Variants in CLTA observed in about 807,000 individuals in gnomAD.
CLTA encodes the protein clathrin, light polypeptide (Lca).
A neutral mutation model predicts 26.9 loss-of-function variants in CLTA; 9 were observed. The observed-to-expected ratio is 0.33, with a 90% CI of 0.20 to 0.58. The LOEUF (loss-of-function observed/expected upper bound fraction) is 0.58, where lower values mean the gene tolerates loss of function less well. Among genes scored for constraint, CLTA ranks in the 20% least tolerant of loss-of-function variants. CLTA has a pLI of 0.85. For missense variants in CLTA, 278 were observed against 294.2 expected, an observed-to-expected ratio of 0.94 and a Z score of 0.40; for synonymous variants, 120 against 115.5, an observed-to-expected ratio of 1.04 and a Z score of -0.25.
intron 3 of CLTA, among the ~76,000 whole-genome samples, chr9:36,200,678 C>A (rs1252591912): frequency 6.6e-6 from 1 of 152,136 alleles, no homozygotes; most frequent in African/African-American, 2.4e-5. Context: ...TTAGTGATTT[C>A]TTTGGTGGAA....
At chr9:36,194,213 G>C (rs570472300) in intron 1 of CLTA, among the ~76,000 whole-genome samples, 34 of 152,294 alleles carry the variant, frequency 2.2e-4, no homozygotes, top group Non-Finnish European at 4.7e-4. Context: ...TTTTAGTAGA[G>C]ACGGGGTTTC....
intron 4 of CLTA, among the ~76,000 whole-genome samples, chr9:36,210,042 C>G (rs138004259): frequency 1.7e-3 from 254 of 152,282 alleles, no homozygotes; most frequent in African/African-American, 5.8e-3. Flanking sequence ...CCTGACCCCC[C>G]CAAAAGAAAC....
intron 1 of CLTA, among the ~76,000 whole-genome samples, chr9:36,191,703 T>C (rs189290770): frequency 1.7e-4 from 26 of 152,272 alleles, no homozygotes; most frequent in African/African-American, 6.0e-4. Context: ...AATGGAAATA[T>C]CGTTTTTGAG....
At chr9:36,196,124 A>G (rs1029358847) in intron 1 of CLTA, among the ~76,000 whole-genome samples, 5 of 151,598 alleles carry the variant, frequency 3.3e-5, no homozygotes, top group African/African-American at 1.2e-4. Flanking sequence ...TAAAACTACA[A>G]AAAAAATTAG....
intron 3 of CLTA, among the ~76,000 whole-genome samples, chr9:36,202,600 C>T (rs1366875042): frequency 6.6e-6 from 1 of 152,210 alleles, no homozygotes; most frequent in African/African-American, 2.4e-5. Context: ...TGAATCTTGG[C>T]TCTGTCACTT....
chr9:36,210,002 G>A lies in CLTA; in HGVS notation c.486-1601G>A, dbSNP rs79211288. 3.9e-5 allele frequency among the ~76,000 whole-genome samples: 6 copies of A among 152,326 alleles called. No individual in the cohort carries two copies. In the East Asian group the frequency reaches 1.2e-3, roughly 29 times the overall value. On this transcript the variant is annotated intron_variant, in intron 4 of 4. Coordinates refer to ENST00000345519, the MANE Select transcript of CLTA (RefSeq NM_001833.4). ...GCTTTGAGATCAGGATAGTCAAAGT[G>A]TCTTGATACGGGCCACTTGGGCTTC...
At chr9:36,209,356 ATTCT>A (rs1389725365) in intron 4 of CLTA, 23 of 1,465,528 alleles carry the variant, frequency 1.6e-5, no homozygotes, top group East Asian at 4.5e-5. Context: ...TCTACATCTG[ATTCT>A]TTCTACTTTT....
At chr9:36,202,925 G>A (rs1402039411) in intron 3 of CLTA, among the ~76,000 whole-genome samples, 1 of 151,556 alleles carries the variant, frequency 6.6e-6, no homozygotes, top group Non-Finnish European at 1.5e-5. Context: ...AGATTCAAGC[G>A]ATTCTCCTGC....
At chr9:36,197,662 C>A (rs2132876168) in intron 2 of CLTA, 74 bp downstream of exon 2, 1 of 1,186,680 alleles carries the variant, frequency 8.4e-7, no homozygotes, top group Non-Finnish European at 1.2e-6. Flanking sequence ...ATTGACTGAC[C>A]TAGAAAGAAA....
intron 4 of CLTA, chr9:36,209,387 C>A: frequency 8.2e-7 from 1 of 1,219,422 alleles, no homozygotes; most frequent in Non-Finnish European, 1.2e-6. Context: ...AGTTAATGCT[C>A]CTTTTATGTC....
At chr9:36,206,909 AAAAAG>A (rs1827757823) in intron 4 of CLTA, among the ~76,000 whole-genome samples, 1 of 149,552 alleles carries the variant, frequency 6.7e-6, no homozygotes, top group South Asian at 2.2e-4. Context: ...AAAGAAAAGA[AAAAAG>A]AAAACGGGGT....
chr9:36,190,983 C>G lies in CLTA; in HGVS notation c.-74C>G. On this transcript the variant is annotated 5_prime_UTR_variant, in exon 1 of 5. Transcript: ENST00000345519. ...CTCCCAGTCGGCACCACAGCGGTGG[C>G]TGCCGGGCGTGGTGTCGGTGGGTCG... is the stretch of plus-strand genomic sequence containing the variant. 1 of 1,460,398 alleles carries G rather than the reference C, an allele frequency of 6.8e-7. No individual in the cohort carries two copies. The highest frequency in any genetic ancestry group is 9.0e-7 in the Non-Finnish European group (1 of 1,116,420). 90.5% of individuals were successfully genotyped at this position (1,460,398 alleles called of 1,614,324 possible). A position where few individuals can be genotyped will look rare whatever the true frequency, so the allele number is the denominator to read the frequency against.
chr9:36,195,639 G>A (rs1826977141), intron 1 of CLTA, among the ~76,000 whole-genome samples: 1 of 152,118 alleles, frequency 6.6e-6, no homozygotes, highest in South Asian at 2.1e-4. Context: ...TAGACTAATA[G>A]GAACAAGTGG....
At position 36,191,268 on chromosome 9, in the gene CLTA, G is replaced by A. The variant is rs898690659; in HGVS notation, c.212G>A (p.Gly71Asp). ...GPQPHGEPPG[G>D]PDAVDGVMNG... ...CAGCCGCACGGCGAGCCGCCGGGGG[G>A]TCCGGGTGAGAGTGCGGGCGCGTTT... Residue 71 changes from glycine to aspartate, a missense_variant, in exon 1 of 5, where the codon GGT (glycine) becomes GAT (aspartate). By Grantham distance (94) the Gly-to-Asp change is moderately conservative. Coordinates refer to ENST00000345519, the MANE Select transcript of CLTA (RefSeq NM_001833.4). 3.9e-6 allele frequency: 6 copies of A among 1,522,832 alleles called. No homozygotes were observed. Among genetic ancestry groups the A allele is most frequent in the Non-Finnish European group, 1.8e-6 (2 of 1,140,538 alleles). The allele number at this position is 1,522,832 out of a possible 1,614,324, so 94.3% of individuals were successfully genotyped here.
At chr9:36,206,704 G>T (rs768114380) in intron 4 of CLTA, among the ~76,000 whole-genome samples, 34 of 152,184 alleles carry the variant, frequency 2.2e-4, no homozygotes, top group South Asian at 1.0e-3. Flanking sequence ...AGACCAGCCT[G>T]CCCAACATGG....
chr9:36,198,559 C>T (rs999652397), intron 2 of CLTA, among the ~76,000 whole-genome samples: 2 of 151,772 alleles, frequency 1.3e-5, no homozygotes, highest in Admixed American at 1.3e-4. Context: ...TGCCTGTAAT[C>T]CCAGCTACTG....
chr9:36,199,403 A>G (rs1318736440), intron 3 of CLTA, among the ~76,000 whole-genome samples: 1 of 148,498 alleles, frequency 6.7e-6, no homozygotes, highest in Non-Finnish European at 1.5e-5. Flanking sequence ...GAAGGATTCA[A>G]GTTTCCTATG....
rs374176812 is a variant in CLTA at position 36,199,146 on chromosome 9, A to T, written c.373+50A>T. 3.1e-5 allele frequency: 36 copies of T among 1,142,900 alleles called. No homozygotes were observed. The Middle Eastern group carries it at 5.8e-4, about 18-fold the overall frequency. 70.8% of individuals were successfully genotyped at this position (1,142,900 alleles called of 1,614,324 possible). A position where few individuals can be genotyped will look rare whatever the true frequency, so the allele number is the denominator to read the frequency against. ...GTGTCTGTTTTCAGTGGAGTAGTTG[A>T]GCTGGACTCTACTTTTATTCCTTTT... On this transcript the variant is annotated intron_variant, in intron 3 of 4. Coordinates refer to ENST00000345519, the MANE Select transcript of CLTA (RefSeq NM_001833.4).
At chr9:36,209,300 C>T (rs764210568) in intron 4 of CLTA, 6 of 1,613,512 alleles carry the variant, frequency 3.7e-6, no homozygotes, top group East Asian at 2.2e-5. Flanking sequence ...AACAACCCTT[C>T]GCTGACGTGA....
Sources: gnomAD v4.1 joint callset for allele counts (sites outside exome capture counted in the v4.1 genomes callset) on GRCh38, gnomAD v4.1.1 for gene constraint, MANE v1.5 for transcripts, NCBI Gene and HGNC (gene_info 2026-07-23, HGNC 2026-07-21) for gene names.